Variants in SGCD observed in about 807,000 individuals in gnomAD.
The protein encoded by SGCD is sarcoglycan delta, also known as delta-sarcoglycan.
Under a neutral mutation model 36.6 loss-of-function variants are expected in SGCD, and 18 were observed. The observed-to-expected ratio is 0.49, with a 90% CI of 0.34 to 0.73. The LOEUF (loss-of-function observed/expected upper bound fraction) is 0.73, where lower values mean the gene tolerates loss of function less well. SGCD is among the 30% of genes least tolerant of loss of function. SGCD has a pLI of 0.01. For synonymous variants in SGCD, 133 were observed against 130.6 expected, an observed-to-expected ratio of 1.02 and a Z score of -0.12; for missense variants, 387 against 346.7, an observed-to-expected ratio of 1.12 and a Z score of -0.92.
chr5:156,434,713 C>T (rs777601324), intron 3 of SGCD, among the ~76,000 whole-genome samples: 17 of 152,064 alleles, frequency 1.1e-4, no homozygotes, highest in South Asian at 2.1e-4. Flanking sequence ...AATCATTAGG[C>T]GATTGAGTTG....
At chr5:156,680,494 A>T (rs1175188365) in intron 7 of SGCD, among the ~76,000 whole-genome samples, 1 of 152,192 alleles carries the variant, frequency 6.6e-6, no homozygotes, top group Non-Finnish European at 1.5e-5. Flanking sequence ...TTACGTAAGA[A>T]AATCCAGGCT....
intron 6 of SGCD, among the ~76,000 whole-genome samples, chr5:156,611,278 C>T (rs1251473989): frequency 6.6e-6 from 1 of 152,206 alleles, no homozygotes; most frequent in Non-Finnish European, 1.5e-5. Flanking sequence ...AGGTGTGGCA[C>T]TCCCTTAAGG....
chr5:156,152,002 C>T (rs1762844910), intron 3 of SGCD, among the ~76,000 whole-genome samples: 1 of 151,116 alleles, frequency 6.6e-6, no homozygotes, highest in Admixed American at 6.6e-5. Flanking sequence ...TCTCCTGAAG[C>T]CATTGGCTTG....
intron 1 of SGCD, among the ~76,000 whole-genome samples, chr5:155,935,420 G>C (rs1757175268): frequency 6.6e-6 from 1 of 152,142 alleles, no homozygotes; most frequent in South Asian, 2.1e-4. Flanking sequence ...GAACTTCATT[G>C]TTGTGGGGGG....
chr5:156,188,882 A>T (rs539512720), intron 3 of SGCD, among the ~76,000 whole-genome samples: 1 of 152,100 alleles, frequency 6.6e-6, no homozygotes, highest in Admixed American at 6.5e-5. Context: ...TAATTCCCTC[A>T]ACAGAATTCC....
intron 7 of SGCD, among the ~76,000 whole-genome samples, chr5:156,689,604 G>T (rs534616363): frequency 2.4e-4 from 36 of 152,262 alleles, no homozygotes; most frequent in African/African-American, 8.4e-4. Context: ...AGAAGAATGA[G>T]AATGAAATTA....
At chr5:156,579,677 T>C (rs1261642265) in intron 4 of SGCD, among the ~76,000 whole-genome samples, 1 of 152,240 alleles carries the variant, frequency 6.6e-6, no homozygotes, top group East Asian at 1.9e-4. Flanking sequence ...TGACCTTCTT[T>C]GTCTCTTTTA....
At chr5:156,320,275 G>A (rs1217398152) in intron 3 of SGCD, among the ~76,000 whole-genome samples, 1 of 152,100 alleles carries the variant, frequency 6.6e-6, no homozygotes, top group South Asian at 2.1e-4. Context: ...TGATATGATT[G>A]CAAAAATAAA....
intron 3 of SGCD, among the ~76,000 whole-genome samples, chr5:156,154,166 T>C (rs1762893868): frequency 6.6e-6 from 1 of 151,652 alleles, no homozygotes; most frequent in Non-Finnish European, 1.5e-5. Flanking sequence ...GTCCAGTAAC[T>C]TGCTCAAAGA....
At chr5:155,906,864 T>C (rs1375659894) in intron 1 of SGCD, among the ~76,000 whole-genome samples, 3 of 150,852 alleles carry the variant, frequency 2.0e-5, no homozygotes. Flanking sequence ...GCTGAAATCA[T>C]TGATGAAGGT....
chr5:156,216,518 C>T (rs749212750), intron 3 of SGCD, among the ~76,000 whole-genome samples: 1 of 152,116 alleles, frequency 6.6e-6, no homozygotes, highest in Admixed American at 6.6e-5. Context: ...CTGTGTAAAG[C>T]ATGTTAATAC....
chr5:156,631,043 GATAT>G (rs1419899734), intron 6 of SGCD, among the ~76,000 whole-genome samples: 2 of 152,182 alleles, frequency 1.3e-5, no homozygotes, highest in East Asian at 3.8e-4. Context: ...TATGGTCATA[GATAT>G]TCTGAGTCTT....
rs374879356 is a variant in SGCD at position 156,092,321 on chromosome 5, G to T, written c.-281-25557G>T. ...CTGAAGCTGAGAAAGGTTACTTTTT[G>T]TTTGAAGATTTGGGCCTTCTGCAGA... On this transcript the variant is annotated intron_variant, in intron 1 of 9. Transcript: ENST00000517913. 2.2e-4 allele frequency among the ~76,000 whole-genome samples: 33 copies of T among 152,258 alleles called. No homozygotes were observed. In the East Asian group the frequency reaches 4.6e-3, roughly 21 times the overall value.
At chr5:156,521,369 T>A (rs1757396655) in intron 4 of SGCD, among the ~76,000 whole-genome samples, 1 of 152,026 alleles carries the variant, frequency 6.6e-6, no homozygotes, top group African/African-American at 2.4e-5. Flanking sequence ...CTAATTAAAC[T>A]AAAGAGCTTC....
the SGCD span, among the ~76,000 whole-genome samples, chr5:155,841,298 G>A: frequency 5.9e-5 from 9 of 151,850 alleles, no homozygotes; most frequent in Non-Finnish European, 1.2e-4. Flanking sequence ...AATATTCAAT[G>A]AAATATTGCT....
chr5:155,836,718 A>T, the SGCD span, among the ~76,000 whole-genome samples: 11 of 151,904 alleles, frequency 7.2e-5, no homozygotes. Flanking sequence ...TACTTGTTTT[A>T]TTTTTCCTTG....
At chr5:156,627,133 A>C (rs1380881361) in intron 6 of SGCD, among the ~76,000 whole-genome samples, 1 of 152,200 alleles carries the variant, frequency 6.6e-6, no homozygotes, top group Non-Finnish European at 1.5e-5. Context: ...TGGATCTCTA[A>C]AAGTTCTTTG....
At chr5:155,907,442 G>A (rs1194522720) in intron 1 of SGCD, among the ~76,000 whole-genome samples, 1 of 152,068 alleles carries the variant, frequency 6.6e-6, no homozygotes, top group African/African-American at 2.4e-5. Context: ...TTCTCTGATC[G>A]ATCTGAGCAA....
chr5:156,275,254 A>G (rs113876898), intron 3 of SGCD, among the ~76,000 whole-genome samples: 119 of 152,242 alleles, frequency 7.8e-4, no homozygotes, highest in African/African-American at 2.7e-3. Flanking sequence ...TCTCCAGGGC[A>G]GAGATGTTCA....
Sources: allele counts gnomAD v4.1 joint callset (sites outside exome capture counted in the v4.1 genomes callset), GRCh38; gene constraint gnomAD v4.1.1; transcripts MANE v1.5; gene names NCBI Gene and HGNC (gene_info 2026-07-23, HGNC 2026-07-21).